SLC16A9: variants seen among roughly 807,000 people sequenced by gnomAD.
The protein encoded by SLC16A9 is solute carrier family 16 member 9, also known as monocarboxylate transporter 9.
Under a neutral mutation model 44.3 loss-of-function variants are expected in SLC16A9, and 26 were observed. That is an observed-to-expected ratio of 0.59 (90% CI 0.43 to 0.81). SLC16A9 has a LOEUF of 0.81. Among genes scored for constraint, SLC16A9 ranks in the 40% least tolerant of loss-of-function variants. The probability of loss-of-function intolerance (pLI) is 0.00; values close to 1 mark genes in which losing one functional copy is unlikely to be tolerated. For synonymous variants in SLC16A9, 230 were observed against 225.1 expected (o/e 1.02, Z -0.19); for missense variants, 559 against 595.8 (o/e 0.94, Z 0.64).
chr10:59,672,948 T>C (rs1328340151), intron 2 of SLC16A9, 35 bp from the exon 3 acceptor site: 1 of 1,577,796 alleles, frequency 6.3e-7, no homozygotes, highest in East Asian at 2.2e-5. Context: ...CTTATTATCA[T>C]ATGATCCATC....
In SLC16A9 at chr10:59,681,690, GTATATATA is replaced by G. The variant is rs756321876; in HGVS notation, c.196+2398_196+2405del. On this transcript the variant is annotated intron_variant, in intron 2 of 5. Transcript: ENST00000395348. The stretch of plus-strand genomic sequence containing the variant: ...TGTATATGTATATGTATATGTATAT[GTATATATA>G]TATGTATATGTATATGTATATGATG... Among the ~76,000 whole-genome samples, 95 of 17,528 alleles carry G rather than the reference GTATATATA, an allele frequency of 5.4e-3. 46 individuals carry two copies. The highest frequency in any genetic ancestry group is 7.4e-3 in the Non-Finnish European group (76 of 10,308). 11.5% of individuals were successfully genotyped at this position (17,528 alleles called of 152,430 possible). A position where few individuals can be genotyped will look rare whatever the true frequency, so the allele number is the denominator to read the frequency against.
chr10:59,656,260 C>T (rs556404810), intron 4 of SLC16A9, among the ~76,000 whole-genome samples: 5 of 152,182 alleles, frequency 3.3e-5, no homozygotes, highest in Non-Finnish European at 7.3e-5. Flanking sequence ...AGGGTGACCT[C>T]ATGTACTGCA....
chr10:59,660,458 T>G (rs1044615414), intron 4 of SLC16A9, among the ~76,000 whole-genome samples: 1 of 152,118 alleles, frequency 6.6e-6, no homozygotes, highest in African/African-American at 2.4e-5. Context: ...CAGGAAGAAG[T>G]CGAATTTCTG....
chr10:59,697,878 T>G (rs1840433310), intron 1 of SLC16A9, among the ~76,000 whole-genome samples: 1 of 151,466 alleles, frequency 6.6e-6, no homozygotes, highest in South Asian at 2.1e-4. Context: ...GCCAATTGTT[T>G]GTTGGCTTTG....
At chr10:59,699,541 T>C (rs1840475365) in intron 1 of SLC16A9, among the ~76,000 whole-genome samples, 1 of 152,222 alleles carries the variant, frequency 6.6e-6, no homozygotes, top group African/African-American at 2.4e-5. Context: ...GTTACTTAAA[T>C]AGCTCTCTGC....
At chr10:59,693,999 G>A (rs1056556001) in intron 1 of SLC16A9, among the ~76,000 whole-genome samples, 1 of 151,022 alleles carries the variant, frequency 6.6e-6, no homozygotes. Flanking sequence ...GTGCAGTGGC[G>A]CTATCTCGGC....
intron 4 of SLC16A9, among the ~76,000 whole-genome samples, chr10:59,661,688 C>G (rs188703887): frequency 7.2e-5 from 11 of 152,176 alleles, no homozygotes; most frequent in Non-Finnish European, 1.6e-4. Flanking sequence ...CCCATATAGC[C>G]AAGACAATTC....
At chr10:59,661,593 A>G (rs1210093404) in intron 4 of SLC16A9, among the ~76,000 whole-genome samples, 2 of 152,212 alleles carry the variant, frequency 1.3e-5, no homozygotes, top group African/African-American at 2.4e-5. Context: ...TATAGATTCA[A>G]TGCTATTCCC....
chr10:59,664,223 A>G lies in SLC16A9; in HGVS notation c.436+4T>C. 6.2e-7 allele frequency: 1 copy of G among 1,601,462 alleles called. No individual in the cohort carries two copies. ...ACAATACTGTACTCATTTTGAAAATATACCTGTTGAAATCAGGCCAAGCGC... is the reference window on the plus strand; with the variant it reads ...ACAATACTGTACTCATTTTGAAAATGTACCTGTTGAAATCAGGCCAAGCGC... On this transcript the variant is annotated splice_donor_region_variant and intron_variant, in intron 4 of 5. Coordinates refer to ENST00000395348, the MANE Select transcript of SLC16A9 (RefSeq NM_194298.3).
chr10:59,677,247 C>A (rs1385933975), intron 2 of SLC16A9, among the ~76,000 whole-genome samples: 2 of 151,694 alleles, frequency 1.3e-5, no homozygotes, highest in Non-Finnish European at 2.9e-5. Context: ...ACCACCACTC[C>A]TGGCTAATTA....
chr10:59,695,680 T>C (rs1393875804), intron 1 of SLC16A9, among the ~76,000 whole-genome samples: 1 of 152,196 alleles, frequency 6.6e-6, no homozygotes, highest in Non-Finnish European at 1.5e-5. Flanking sequence ...ATTGCTTATT[T>C]CATTGGTTAT....
intron 1 of SLC16A9, among the ~76,000 whole-genome samples, chr10:59,694,272 A>C (rs1330752360): frequency 6.6e-6 from 1 of 152,282 alleles, no homozygotes; most frequent in East Asian, 1.9e-4. Context: ...CTGTAAATCC[A>C]GTTGTGGTGG....
chr10:59,673,642 C>A (rs2132455080), intron 2 of SLC16A9, among the ~76,000 whole-genome samples: 1 of 152,292 alleles, frequency 6.6e-6, no homozygotes, highest in South Asian at 2.1e-4. Flanking sequence ...TTTTCAAAAA[C>A]CACACCTACC....
intron 2 of SLC16A9, among the ~76,000 whole-genome samples, chr10:59,681,813 TATATGATGTATATGTATATGTATATG>T (rs1564706196): frequency 0.033 from 121 of 3,618 alleles, 3 homozygotes; most frequent in African/African-American, 0.068. Context: ...TGTATATGTA[TATATGATGTATATGTATATGTATATG>T]ATGTATATGT....
intron 4 of SLC16A9, among the ~76,000 whole-genome samples, chr10:59,655,251 C>T (rs1175897937): frequency 6.6e-6 from 1 of 152,182 alleles, no homozygotes; most frequent in Admixed American, 6.5e-5. Flanking sequence ...GATTGCACCA[C>T]TGCACTCCAG....
At chr10:59,693,304 G>A (rs1180093715) in intron 1 of SLC16A9, among the ~76,000 whole-genome samples, 1 of 152,156 alleles carries the variant, frequency 6.6e-6, no homozygotes. Context: ...TAACACTAAC[G>A]TAAGTCCTTT....
chr10:59,700,948 TA>T (rs1840509860), intron 1 of SLC16A9, among the ~76,000 whole-genome samples: 6 of 152,300 alleles, frequency 3.9e-5, no homozygotes, highest in African/African-American at 1.2e-4. Context: ...TGATCACAGA[TA>T]CTCAAGCAAG....
chr10:59,679,309 C>A (rs1019342415), intron 2 of SLC16A9, among the ~76,000 whole-genome samples: 13 of 152,088 alleles, frequency 8.5e-5, no homozygotes, highest in Non-Finnish European at 1.3e-4. Context: ...CCATTCTTCC[C>A]ATATCAGTCA....
chr10:59,687,253 T>C (rs1840155131), intron 1 of SLC16A9, among the ~76,000 whole-genome samples: 1 of 152,214 alleles, frequency 6.6e-6, no homozygotes, highest in South Asian at 2.1e-4. Flanking sequence ...TACAGAATAA[T>C]ACCAATTAAC....
Sources: gnomAD v4.1 joint callset for allele counts (sites outside exome capture counted in the v4.1 genomes callset) on GRCh38, gnomAD v4.1.1 for gene constraint, MANE v1.5 for transcripts, NCBI Gene and HGNC (gene_info 2026-07-23, HGNC 2026-07-21) for gene names.